CORO2A: variants seen among roughly 807,000 people sequenced by gnomAD.
The protein encoded by CORO2A is coronin-2A.
A neutral mutation model predicts 62.4 loss-of-function variants in CORO2A; 47 were observed. The ratio of observed to expected loss-of-function variants is 0.75; its 90% confidence interval spans 0.60 to 0.96. The LOEUF (loss-of-function observed/expected upper bound fraction) is 0.96. CORO2A is among the 40% of genes least tolerant of loss of function. The pLI is 0.00. For synonymous variants in CORO2A, 273 were observed against 268.9 expected, an observed-to-expected ratio of 1.02 and a Z score of -0.15; for missense variants, 610 against 684.1, an observed-to-expected ratio of 0.89 and a Z score of 1.21.
intron 1 of CORO2A, among the ~76,000 whole-genome samples, chr9:98,190,268 G>A (rs542153888): frequency 4.6e-5 from 7 of 152,260 alleles, no homozygotes; most frequent in Admixed American, 4.6e-4. Context: ...CAAAGTAGCC[G>A]GCTAAGGGCA....
intron 2 of CORO2A, among the ~76,000 whole-genome samples, chr9:98,145,725 T>G (rs937227617): frequency 3.9e-5 from 6 of 152,162 alleles, no homozygotes; most frequent in Non-Finnish European, 7.4e-5. Flanking sequence ...TGTTTGTTTG[T>G]TTTTTGAGAC....
intron 1 of CORO2A, among the ~76,000 whole-genome samples, chr9:98,160,489 G>A (rs1827868935): frequency 1.3e-5 from 2 of 152,206 alleles, no homozygotes; most frequent in Non-Finnish European, 2.9e-5. Context: ...AAAGCCACAA[G>A]TTGCTAAGGA....
intron 4 of CORO2A, among the ~76,000 whole-genome samples, chr9:98,133,704 A>C (rs530787560): frequency 1.3e-5 from 2 of 152,290 alleles, no homozygotes; most frequent in African/African-American, 4.8e-5. Flanking sequence ...CAAACAGATG[A>C]GAAAGCGCTG....
At chr9:98,163,922 T>G (rs2118892332) in intron 1 of CORO2A, among the ~76,000 whole-genome samples, 2 of 152,322 alleles carry the variant, frequency 1.3e-5, no homozygotes, top group Middle Eastern at 6.8e-3. Flanking sequence ...AGATTATTCA[T>G]TAATTGTACT....
At chr9:98,130,335 C>T (rs1016163623) in intron 7 of CORO2A, among the ~76,000 whole-genome samples, 1 of 152,214 alleles carries the variant, frequency 6.6e-6, no homozygotes, top group Non-Finnish European at 1.5e-5. Flanking sequence ...GATTCTCCCA[C>T]CTTGGCCTCC....
intron 1 of CORO2A, among the ~76,000 whole-genome samples, chr9:98,181,299 C>T (rs1828173712): frequency 6.6e-6 from 1 of 150,588 alleles, no homozygotes; most frequent in South Asian, 2.1e-4. Flanking sequence ...TAATCCCAGC[C>T]TCCTGTCCCA....
intron 2 of CORO2A, among the ~76,000 whole-genome samples, chr9:98,150,910 C>G (rs912566957): frequency 6.6e-6 from 1 of 152,200 alleles, no homozygotes; most frequent in Non-Finnish European, 1.5e-5. Context: ...AGGTCACATG[C>G]CTCACCCCAG....
chr9:98,161,994 G>C (rs182260036), intron 1 of CORO2A, among the ~76,000 whole-genome samples: 3 of 152,312 alleles, frequency 2.0e-5, no homozygotes, highest in Non-Finnish European at 2.9e-5. Context: ...GGAGCTCACA[G>C]TCACCTCTGT....
At chr9:98,189,045 C>T (rs1828274086) in intron 1 of CORO2A, among the ~76,000 whole-genome samples, 1 of 152,180 alleles carries the variant, frequency 6.6e-6, no homozygotes, top group Admixed American at 6.5e-5. Flanking sequence ...CCCCACCACA[C>T]CCTGCCAATC....
chr9:98,150,618 A>G (rs1334322116), intron 2 of CORO2A, among the ~76,000 whole-genome samples: 1 of 152,214 alleles, frequency 6.6e-6, no homozygotes, highest in East Asian at 1.9e-4. Flanking sequence ...ATCAGTTGTT[A>G]GTACCCATTT....
intron 1 of CORO2A, among the ~76,000 whole-genome samples, chr9:98,183,684 G>A (rs1037208767): frequency 6.6e-6 from 1 of 152,236 alleles, no homozygotes; most frequent in Non-Finnish European, 1.5e-5. Context: ...AATGGGCCAG[G>A]CATGGTGGCT....
At chr9:98,166,582 T>C (rs12338195) in intron 1 of CORO2A, among the ~76,000 whole-genome samples, 33,369 of 152,114 alleles carry the variant, frequency 0.22, 4,421 homozygotes, top group Non-Finnish European at 0.29. Context: ...TGCAAAAGGG[T>C]TTAGTTGCTA....
At chr9:98,149,389 T>A (rs814027) in intron 2 of CORO2A, among the ~76,000 whole-genome samples, 1 of 151,992 alleles carries the variant, frequency 6.6e-6, no homozygotes, top group Non-Finnish European at 1.5e-5. Flanking sequence ...AAGCTCTGAT[T>A]AGTGGCTCCT....
intron 2 of CORO2A, among the ~76,000 whole-genome samples, chr9:98,156,632 T>C (rs1231442739): frequency 6.6e-6 from 1 of 152,266 alleles, no homozygotes; most frequent in Non-Finnish European, 1.5e-5. Context: ...AAACCTGGTC[T>C]ATGAGATTCT....
Position 98,180,775 on chromosome 9 carries a change from A to C in CORO2A, c.-1+11784T>G, listed in dbSNP as rs557880526. Among the ~76,000 whole-genome samples the C allele has an allele frequency of 2.0e-5, 3 of 152,202 alleles. No homozygotes were observed. The South Asian group carries it at 6.2e-4, about 32-fold the overall frequency. On this transcript the variant is annotated intron_variant, in intron 1 of 11. Coordinates refer to ENST00000375077, the MANE Select transcript of CORO2A (RefSeq NM_052820.4). The stretch of plus-strand genomic sequence containing the variant: ...CAGTGTCCCCAATGATGGATCAGTA[A>C]AAACAGGTTCAGGCTCGAGTAGAGG...
At chr9:98,186,460 G>A (rs1468638430) in intron 1 of CORO2A, among the ~76,000 whole-genome samples, 3 of 152,152 alleles carry the variant, frequency 2.0e-5, no homozygotes, top group Admixed American at 2.0e-4. Flanking sequence ...GCTCAGTGTT[G>A]TCATCTATAA....
chr9:98,138,059 C>T (rs1191308707), intron 2 of CORO2A, among the ~76,000 whole-genome samples: 1 of 152,166 alleles, frequency 6.6e-6, no homozygotes, highest in Non-Finnish European at 1.5e-5. Flanking sequence ...CTGGCAGTTC[C>T]TCAAAAGGTT....
rs757796310 is a variant in CORO2A at position 98,134,796 on chromosome 9, C to A, written c.468+10G>T. On this transcript the variant is annotated intron_variant, in intron 4 of 11. Coordinates refer to ENST00000375077, the MANE Select transcript of CORO2A (RefSeq NM_052820.4). ...TGGGGCTGCCCCAGAGAAAGAATACCCAGACTCACCTTGTAGTCATAGCCA... is the reference window on the plus strand; with the variant it reads ...TGGGGCTGCCCCAGAGAAAGAATACACAGACTCACCTTGTAGTCATAGCCA... 1.9e-6 allele frequency: 3 copies of A among 1,599,596 alleles called. No homozygotes were observed.
At position 98,186,123 on chromosome 9, in the gene CORO2A, A is replaced by C. The variant is rs565511755; in HGVS notation, c.-1+6436T>G. 9.1e-4 allele frequency among the ~76,000 whole-genome samples: 139 copies of C among 152,344 alleles called. 1 individual carries two copies. Among genetic ancestry groups the C allele is most frequent in the African/African-American group, 3.3e-3 (137 of 41,594 alleles). On this transcript the variant is annotated intron_variant, in intron 1 of 11. Transcript: ENST00000375077. Reference sequence around the variant, plus strand: ...CAAGGCCAGGCTAGAAGCAGCTGTCATATCAACCCTGCACAAATGCTCAGC... The same window carrying C: ...CAAGGCCAGGCTAGAAGCAGCTGTCCTATCAACCCTGCACAAATGCTCAGC...
Sources: gnomAD v4.1 joint callset for allele counts (sites outside exome capture counted in the v4.1 genomes callset) on GRCh38, gnomAD v4.1.1 for gene constraint, MANE v1.5 for transcripts, NCBI Gene and HGNC (gene_info 2026-07-23, HGNC 2026-07-21) for gene names.